Variants in OR9Q1 observed in about 807,000 individuals in gnomAD.
OR9Q1 encodes olfactory receptor family 9 subfamily Q member 1.
For synonymous variants in OR9Q1, 153 were observed against 148.6 expected (o/e 1.03, Z -0.22); for missense variants, 374 against 378.8 (o/e 0.99, Z 0.11).
intron 2 of OR9Q1, among the ~76,000 whole-genome samples, chr11:58,138,841 T>G (rs944855967): frequency 3.3e-5 from 5 of 152,214 alleles, no homozygotes; most frequent in African/African-American, 9.6e-5. Context: ...ATAGTCACCA[T>G]GCTGTACCAT....
chr11:58,176,863 T>C (rs1343477125), intron 2 of OR9Q1, among the ~76,000 whole-genome samples: 1 of 152,030 alleles, frequency 6.6e-6, no homozygotes, highest in East Asian at 1.9e-4. Flanking sequence ...CAGAATACTT[T>C]TGCCCCTACA....
intron 2 of OR9Q1, among the ~76,000 whole-genome samples, chr11:58,138,437 T>G (rs910696642): frequency 6.6e-6 from 1 of 152,200 alleles, no homozygotes; most frequent in Non-Finnish European, 1.5e-5. Flanking sequence ...TAAATTAAAT[T>G]TAGGAGCAAC....
chr11:58,067,272 A>G (rs1054884564), intron 2 of OR9Q1, among the ~76,000 whole-genome samples: 1 of 151,806 alleles, frequency 6.6e-6, no homozygotes, highest in Non-Finnish European at 1.5e-5. Context: ...TCCTGACCCC[A>G]TGATCCGCCC....
At chr11:58,032,254 C>G (rs1343347973) in intron 1 of OR9Q1, among the ~76,000 whole-genome samples, 2 of 151,966 alleles carry the variant, frequency 1.3e-5, no homozygotes, top group Admixed American at 6.6e-5. Context: ...TTAGAAAAAA[C>G]AATTCTAAAA....
chr11:58,094,080 G>T (rs968541737), intron 2 of OR9Q1, among the ~76,000 whole-genome samples: 2 of 152,106 alleles, frequency 1.3e-5, no homozygotes, highest in Admixed American at 1.3e-4. Flanking sequence ...TAAAAATGTG[G>T]TATATATACA....
chr11:58,026,038 CT>C (rs1404354807), intron 1 of OR9Q1, among the ~76,000 whole-genome samples: 3 of 152,208 alleles, frequency 2.0e-5, no homozygotes, highest in Non-Finnish European at 2.9e-5. Flanking sequence ...TCACTGCCCC[CT>C]ACTTTGTTCT....
At chr11:58,139,948 G>A (rs1001646103) in intron 2 of OR9Q1, among the ~76,000 whole-genome samples, 2 of 125,684 alleles carry the variant, frequency 1.6e-5, no homozygotes, top group Non-Finnish European at 3.5e-5. Flanking sequence ...AGCACCTGTT[G>A]TTTCCTGACT....
At chr11:58,171,407 A>C (rs1320555078) in intron 2 of OR9Q1, 1 of 152,174 alleles carries the variant, frequency 6.6e-6, no homozygotes, top group Non-Finnish European at 1.5e-5. Context: ...TATGATTCTG[A>C]CCAGACTAGT....
At chr11:58,073,148 AT>A in intron 2 of OR9Q1, 1 of 219,086 alleles carries the variant, frequency 4.6e-6, no homozygotes, top group Non-Finnish European at 1.0e-5. Context: ...AATCAGTATC[AT>A]TTTCTCTTTT....
intron 2 of OR9Q1, among the ~76,000 whole-genome samples, chr11:58,148,607 A>G (rs181610082): frequency 3.3e-5 from 5 of 152,286 alleles, no homozygotes; most frequent in East Asian, 3.9e-4. Context: ...TTTGGTGGCT[A>G]TGGGGCTAAA....
At chr11:58,170,328 A>ATT (rs34999731) in intron 2 of OR9Q1, among the ~76,000 whole-genome samples, 4 of 151,360 alleles carry the variant, frequency 2.6e-5, no homozygotes, top group East Asian at 2.0e-4. Context: ...TACACATAAC[A>ATT]TTTTTTTTCA....
chr11:58,105,612 T>A (rs1352507290), intron 2 of OR9Q1, among the ~76,000 whole-genome samples: 3 of 152,190 alleles, frequency 2.0e-5, no homozygotes, highest in East Asian at 3.8e-4. Context: ...TCATCTTTTT[T>A]AAGTGTAACT....
In OR9Q1 at chr11:58,138,970, A is replaced by C. The variant is rs115635752; in HGVS notation, c.-14-40461A>C. Among the ~76,000 whole-genome samples, 953 of 152,312 alleles carry C rather than the reference A, an allele frequency of 6.3e-3. 6 individuals carry two copies. The highest frequency in any genetic ancestry group is 0.021 in the African/African-American group (854 of 41,574). On this transcript the variant is annotated intron_variant, in intron 2 of 2. Transcript: ENST00000335397. ...ATTTTCTAAGACACAAGAAGGAACC[A>C]AAACAAATTGAATTTACAATAGAGT... is the stretch of plus-strand genomic sequence containing the variant.
chr11:58,054,879 G>A (rs560091635), intron 1 of OR9Q1, among the ~76,000 whole-genome samples: 58 of 152,194 alleles, frequency 3.8e-4, no homozygotes, highest in Admixed American at 3.1e-3. Context: ...AGCCAAGATC[G>A]CACCACTGCA....
chr11:58,120,038 A>G lies in OR9Q1; in HGVS notation c.-14-59393A>G, dbSNP rs548436537. On this transcript the variant is annotated intron_variant, in intron 2 of 2. Coordinates refer to ENST00000335397, the MANE Select transcript of OR9Q1 (RefSeq NM_001005212.4). ...ATTGATATATTTTCCGTCTTACTAT[A>G]TAATTATTCAATGGGCAGTAAAAAA... Among the ~76,000 whole-genome samples, 41 of 152,340 alleles carry G rather than the reference A, an allele frequency of 2.7e-4. No individual in the cohort carries two copies. In the South Asian group the frequency reaches 7.0e-3, roughly 26 times the overall value.
chr11:58,041,221 G>A (rs1183873339), intron 1 of OR9Q1: 1 of 152,650 alleles, frequency 6.6e-6, no homozygotes, highest in Non-Finnish European at 1.5e-5. Context: ...CCTGGGTCAG[G>A]GAACAGTGAG....
chr11:58,103,307 G>A (rs538049517), intron 2 of OR9Q1, among the ~76,000 whole-genome samples: 173 of 152,150 alleles, frequency 1.1e-3, no homozygotes, highest in African/African-American at 4.1e-3. Context: ...GGAGGTAACC[G>A]CCCCTGTGAT....
At position 58,039,992 on chromosome 11, in the gene OR9Q1, C is replaced by T. The variant is rs7128062; in HGVS notation, c.-92-15878C>T. ...TTTATTACTCCTAAATTTATTAACA[C>T]CTCATTGATAATATCATGAAGTCAG... On this transcript the variant is annotated intron_variant, in intron 1 of 2. Transcript: ENST00000335397. Among the ~76,000 whole-genome samples the T allele has an allele frequency of 6.3e-3, 956 of 152,306 alleles. 8 individuals are homozygous for T. Among genetic ancestry groups the T allele is most frequent in the African/African-American group, 0.022 (921 of 41,556 alleles).
chr11:58,029,760 C>A (rs990682022), intron 1 of OR9Q1, among the ~76,000 whole-genome samples: 6 of 151,982 alleles, frequency 3.9e-5, no homozygotes, highest in Admixed American at 3.9e-4. Flanking sequence ...ATTCAGTCTC[C>A]TACTGGCATT....
Sources: allele counts gnomAD v4.1 joint callset (sites outside exome capture counted in the v4.1 genomes callset), GRCh38; gene constraint gnomAD v4.1.1; transcripts MANE v1.5; gene names NCBI Gene and HGNC (gene_info 2026-07-23, HGNC 2026-07-21).